C12orf56: variants seen among roughly 807,000 people sequenced by gnomAD.
The protein encoded by C12orf56 is chromosome 12 open reading frame 56, also known as uncharacterized protein C12orf56.
C12orf56 carries 71 observed loss-of-function variants against 69.9 expected under a neutral mutation model. The ratio of observed to expected loss-of-function variants is 1.02; its 90% confidence interval spans 0.84 to 1.24. C12orf56 has a LOEUF of 1.24. Among genes scored for constraint, C12orf56 ranks in the 50% most tolerant of loss-of-function variants. C12orf56 has a pLI of 0.00. For missense variants in C12orf56, 732 were observed against 738.5 expected, an observed-to-expected ratio of 0.99 and a Z score of 0.10; for synonymous variants, 276 against 274.1, an observed-to-expected ratio of 1.01 and a Z score of -0.07.
At chr12:64,375,017 C>T (rs2039622527) in intron 1 of C12orf56, among the ~76,000 whole-genome samples, 2 of 151,330 alleles carry the variant, frequency 1.3e-5, no homozygotes, top group African/African-American at 4.8e-5. Flanking sequence ...ATGTTTCTTG[C>T]TTTTTTTGCT....
chr12:64,349,924 T>G (rs753250955), intron 2 of C12orf56, among the ~76,000 whole-genome samples: 1 of 151,956 alleles, frequency 6.6e-6, no homozygotes, highest in Non-Finnish European at 1.5e-5. Flanking sequence ...AAACCCTGTC[T>G]CTACTAAAAA....
chr12:64,286,237 C>T (rs1592419957), intron 6 of C12orf56, among the ~76,000 whole-genome samples, 177 bp from the exon 7 acceptor site: 1 of 152,176 alleles, frequency 6.6e-6, no homozygotes, highest in East Asian at 1.9e-4. Flanking sequence ...TTACTTACAC[C>T]CAAGAGACCA....
chr12:64,330,699 T>G (rs1179531425), intron 3 of C12orf56, among the ~76,000 whole-genome samples: 2 of 152,230 alleles, frequency 1.3e-5, no homozygotes, highest in African/African-American at 2.4e-5. Context: ...TGTCTTTGAA[T>G]TTAATTTTAA....
intron 1 of C12orf56, among the ~76,000 whole-genome samples, chr12:64,364,007 T>C (rs191397550): frequency 8.5e-5 from 13 of 152,200 alleles, no homozygotes; most frequent in Admixed American, 7.9e-4. Flanking sequence ...TTCTTTCTTT[T>C]TTTTTTTTTA....
At chr12:64,334,125 AT>A (rs146097376) in intron 2 of C12orf56, among the ~76,000 whole-genome samples, 1 of 152,218 alleles carries the variant, frequency 6.6e-6, no homozygotes, top group African/African-American at 2.4e-5. Flanking sequence ...GCTGAAGAAC[AT>A]TTTTAGAAGG....
At chr12:64,379,993 T>G (rs1367873329) in intron 1 of C12orf56, among the ~76,000 whole-genome samples, 1 of 144,092 alleles carries the variant, frequency 6.9e-6, no homozygotes, top group African/African-American at 2.7e-5. Flanking sequence ...TAGTCCCAGC[T>G]ACTCCGGAGG....
intron 6 of C12orf56, among the ~76,000 whole-genome samples, chr12:64,300,648 TC>T (rs2038431523): frequency 6.6e-6 from 1 of 152,160 alleles, no homozygotes; most frequent in Admixed American, 6.5e-5. Flanking sequence ...AAAACCCTGT[TC>T]CCACACCCTA....
intron 1 of C12orf56, among the ~76,000 whole-genome samples, chr12:64,366,853 T>C (rs1161715190): frequency 1.7e-5 from 2 of 120,524 alleles, no homozygotes; most frequent in Non-Finnish European, 1.6e-5. Context: ...ATACAGTTTA[T>C]ATATATTATA....
At chr12:64,346,457 A>G (rs1241608567) in intron 2 of C12orf56, among the ~76,000 whole-genome samples, 1 of 152,130 alleles carries the variant, frequency 6.6e-6, no homozygotes, top group East Asian at 1.9e-4. Context: ...TCACACACAT[A>G]CCCAGGATCA....
intron 1 of C12orf56, among the ~76,000 whole-genome samples, chr12:64,353,898 C>G (rs991107370): frequency 1.3e-5 from 2 of 152,048 alleles, no homozygotes; most frequent in Non-Finnish European, 2.9e-5. Context: ...ACAGGCTGGT[C>G]TTGAACTCCT....
intron 12 of C12orf56, among the ~76,000 whole-genome samples, chr12:64,269,261 C>A (rs540732739): frequency 2.0e-5 from 3 of 152,048 alleles, no homozygotes; most frequent in Admixed American, 6.6e-5. Flanking sequence ...AAGCTGTGTC[C>A]GCTGTACCCT....
chr12:64,274,949 CTT>C lies in C12orf56; in HGVS notation c.1534_1535del (p.Lys512ValfsTer4). 6.2e-7 allele frequency: 1 copy of C among 1,612,360 alleles called. No individual in the cohort carries two copies. Among genetic ancestry groups the C allele is most frequent in the Non-Finnish European group, 8.5e-7 (1 of 1,178,714 alleles). On this transcript the variant is annotated frameshift_variant, in exon 11 of 13. Transcript: ENST00000543942. LOFTEE classifies it high-confidence loss of function. ...AGGACATTATCCAGCTAATAGCAAA[CTT>C]TGTGGATCCCAATCCGAGATTTCCC... ...QQGNLGLGST[K>X]FAISWIMSFL...
rs754988966 is a variant in C12orf56 at position 64,274,968 on chromosome 12, A to C, written c.1517T>G (p.Leu506Arg). The C allele has an allele frequency of 8.1e-6, 13 of 1,609,714 alleles. No individual in the cohort carries two copies. The highest frequency in any genetic ancestry group is 1.0e-5 in the Non-Finnish European group (12 of 1,176,360). Residue 506 changes from leucine (L) to arginine (R), a missense_variant, in exon 11 of 13, where the codon CTC (leucine) becomes CGC (arginine). Physicochemically the swap from Leu to Arg is moderately radical, Grantham distance 102. Transcript: ENST00000543942. ...AGCAAACTTTGTGGATCCCAATCCG[A>C]GATTTCCCTAAAAGACTCAAGGAAA... Reference protein sequence around the residue: ...EILLVFQQGNLGLGSTKFAIS... With the variant: ...EILLVFQQGNRGLGSTKFAIS...
chr12:64,345,084 T>C (rs972911330), intron 2 of C12orf56, among the ~76,000 whole-genome samples: 1 of 152,146 alleles, frequency 6.6e-6, no homozygotes, highest in Non-Finnish European at 1.5e-5. Context: ...AGATTGTTGT[T>C]TAAAAAAATT....
chr12:64,294,839 T>A (rs1259087501), intron 6 of C12orf56, among the ~76,000 whole-genome samples: 1 of 152,022 alleles, frequency 6.6e-6, no homozygotes, highest in Admixed American at 6.6e-5. Context: ...GGAAGTAAAT[T>A]TTGTGTTATG....
At chr12:64,300,957 T>C (rs796875048) in intron 6 of C12orf56, among the ~76,000 whole-genome samples, 4 of 152,336 alleles carry the variant, frequency 2.6e-5, no homozygotes, top group African/African-American at 9.6e-5. Context: ...TCATGCATGC[T>C]GTTTTCACGA....
intron 5 of C12orf56, among the ~76,000 whole-genome samples, chr12:64,311,803 C>A (rs930128797): frequency 6.6e-6 from 1 of 152,214 alleles, no homozygotes; most frequent in South Asian, 2.1e-4. Context: ...AAAGGCTTCC[C>A]GGGAGGAATT....
chr12:64,323,565 C>CTTTTTTTTTTTTTTTTTTTTTT (rs375927934), intron 3 of C12orf56, among the ~76,000 whole-genome samples: 1 of 130,848 alleles, frequency 7.6e-6, no homozygotes, highest in Non-Finnish European at 1.6e-5. Flanking sequence ...CAAACATTTC[C>CTTTTTTTTTTTTTTTTTTTTTT]TTTTTTTTTT....
intron 12 of C12orf56, 167 bp from the exon 13 acceptor site, chr12:64,267,455 T>C (rs987808114): frequency 1.6e-6 from 1 of 616,548 alleles, no homozygotes; most frequent in African/African-American, 1.9e-5. Flanking sequence ...ATTTGTGACC[T>C]AGAAAATCTC....
Sources: gnomAD v4.1 joint callset for allele counts (sites outside exome capture counted in the v4.1 genomes callset) on GRCh38, gnomAD v4.1.1 for gene constraint, MANE v1.5 for transcripts, NCBI Gene and HGNC (gene_info 2026-07-23, HGNC 2026-07-21) for gene names.